EPB41L4A: variants seen among roughly 807,000 people sequenced by gnomAD.
EPB41L4A encodes the protein erythrocyte membrane protein band 4.1 like 4A.
EPB41L4A carries 100 observed loss-of-function variants against 108.6 expected under a neutral mutation model. The ratio of observed to expected loss-of-function variants is 0.92; its 90% confidence interval spans 0.78 to 1.09. The LOEUF is 1.09. Ranked by LOEUF, EPB41L4A falls within the 50% of genes least tolerant of loss-of-function variation. The pLI is 0.00. For missense variants in EPB41L4A, 1,030 were observed against 842.7 expected, an observed-to-expected ratio of 1.22 and a Z score of -2.75; for synonymous variants, 319 against 289.0, an observed-to-expected ratio of 1.10 and a Z score of -1.05.
chr5:112,229,395 T>C (rs1473315963), intron 12 of EPB41L4A, among the ~76,000 whole-genome samples: 2 of 151,976 alleles, frequency 1.3e-5, no homozygotes, highest in Non-Finnish European at 2.9e-5. Context: ...TCTTGTGGGG[T>C]ATTTTTATTT....
chr5:112,146,709 A>C (rs796499025), intron 12 of EPB41L4A, among the ~76,000 whole-genome samples: 3 of 152,300 alleles, frequency 2.0e-5, no homozygotes, highest in African/African-American at 7.2e-5. Flanking sequence ...CTAACCACAG[A>C]AGAAAGGTCT....
intron 17 of EPB41L4A, among the ~76,000 whole-genome samples, chr5:112,187,589 G>C (rs1055365005): frequency 1.3e-5 from 2 of 152,162 alleles, no homozygotes; most frequent in African/African-American, 2.4e-5. Flanking sequence ...TGATAACAAT[G>C]AAGAAAATGA....
intron 9 of EPB41L4A, chr5:112,249,753 CA>C (rs1172386524): frequency 4.6e-5 from 7 of 152,218 alleles, no homozygotes; most frequent in African/African-American, 1.4e-4. Flanking sequence ...CAATGCTCCC[CA>C]AAGAGCATTT....
chr5:112,280,183 T>TA, intron 3 of EPB41L4A, 89 bp downstream of exon 3: 1 of 1,118,636 alleles, frequency 8.9e-7, no homozygotes, highest in South Asian at 1.2e-5. Flanking sequence ...CTTTCTCCAG[T>TA]ACTAAAGCCC....
intron 1 of EPB41L4A, among the ~76,000 whole-genome samples, chr5:112,387,278 T>G (rs542742888): frequency 3.9e-5 from 6 of 152,272 alleles, no homozygotes; most frequent in Admixed American, 3.9e-4. Context: ...CAAACCACCA[T>G]TCCAGCTTCC....
chr5:112,245,199 A>T (rs771672353), intron 9 of EPB41L4A, among the ~76,000 whole-genome samples: 11 of 152,230 alleles, frequency 7.2e-5, no homozygotes, highest in Non-Finnish European at 1.3e-4. Context: ...GCAAAACACA[A>T]TATGAATGCT....
At chr5:112,373,318 TC>T (rs1759613354) in intron 1 of EPB41L4A, among the ~76,000 whole-genome samples, 1 of 152,170 alleles carries the variant, frequency 6.6e-6, no homozygotes, top group Non-Finnish European at 1.5e-5. Flanking sequence ...CAGTCCCCTG[TC>T]AACATGGTTC....
In EPB41L4A at chr5:112,262,517, C is replaced by T. The variant is rs569030813; in HGVS notation, c.619G>A (p.Gly207Ser). The T allele has an allele frequency of 6.2e-7, 1 of 1,613,998 alleles. No individual in the cohort carries two copies. Among genetic ancestry groups the T allele is most frequent in the African/African-American group, 1.3e-5 (1 of 75,004 alleles). ...ACATAGACGGGATGGAGGTCAACGCCATACATCTCCAGGGATTTGGCAGTC... is the reference window on the plus strand; with the variant it reads ...ACATAGACGGGATGGAGGTCAACGCTATACATCTCCAGGGATTTGGCAGTC... ...LRTAKSLEMY[G>S]VDLHPVYGEN... The change falls in exon 7 of 23, where the codon GGC becomes AGC. Residue 207 changes from glycine (G) to serine (S), a missense_variant. Coordinates refer to ENST00000261486, the MANE Select transcript of EPB41L4A (RefSeq NM_022140.5).
intron 9 of EPB41L4A, among the ~76,000 whole-genome samples, chr5:112,244,433 G>A (rs774046940): frequency 2.0e-5 from 3 of 152,140 alleles, no homozygotes; most frequent in Non-Finnish European, 4.4e-5. Context: ...GTGGGTTAAG[G>A]GGTGGAAAGT....
chr5:112,212,411 G>C (rs12523510), intron 12 of EPB41L4A, among the ~76,000 whole-genome samples: 97,817 of 151,502 alleles, frequency 0.65, 32,293 homozygotes, highest in East Asian at 0.98. Flanking sequence ...TCCTGCCTCA[G>C]ACTCCCAAGT....
At chr5:112,264,728 G>T in intron 6 of EPB41L4A, 168 bp downstream of exon 6, 1 of 602,126 alleles carries the variant, frequency 1.7e-6, no homozygotes. Context: ...AATTACTGAA[G>T]TTTTCGATGA....
chr5:112,314,504 CTAA>C (rs1396785456), intron 1 of EPB41L4A, among the ~76,000 whole-genome samples: 1 of 41,820 alleles, frequency 2.4e-5, no homozygotes, highest in Non-Finnish European at 4.0e-5. Context: ...CCCATCGCTA[CTAA>C]AAAAAAAAAA....
chr5:112,250,046 G>A (rs1580528658), intron 9 of EPB41L4A, among the ~76,000 whole-genome samples: 1 of 151,984 alleles, frequency 6.6e-6, no homozygotes, highest in Admixed American at 6.6e-5. Context: ...ATTTTGAAAC[G>A]TATGTAATAT....
intron 4 of EPB41L4A, among the ~76,000 whole-genome samples, chr5:112,268,469 C>G (rs1752024158): frequency 6.6e-6 from 1 of 152,114 alleles, no homozygotes; most frequent in Non-Finnish European, 1.5e-5. Flanking sequence ...TTTTACTACA[C>G]CCTCCTCCTT....
intron 1 of EPB41L4A, among the ~76,000 whole-genome samples, chr5:112,410,135 G>A (rs1482632950): frequency 6.6e-6 from 1 of 152,174 alleles, no homozygotes; most frequent in African/African-American, 2.4e-5. Context: ...AACAAAAGGA[G>A]GTGGGTGGGG....
chr5:112,262,531 G>A lies in EPB41L4A; in HGVS notation c.605C>T (p.Ser202Phe), dbSNP rs1230326070. 2 of 1,614,002 alleles carry A rather than the reference G, an allele frequency of 1.2e-6. No homozygotes were observed. Among genetic ancestry groups the A allele is most frequent in the Non-Finnish European group, 1.7e-6 (2 of 1,179,968 alleles). Residue 202 changes from serine to phenylalanine, a missense_variant, in exon 7 of 23, where the codon TCC becomes TTC. Ser to Phe is a radical substitution (Grantham distance 155). Coordinates refer to ENST00000261486, the MANE Select transcript of EPB41L4A (RefSeq NM_022140.5). ...AELNYLRTAK[S>F]LEMYGVDLHP... ...GAGGTCAACGCCATACATCTCCAGG[G>A]ATTTGGCAGTCCTCAAGTAATTCAG...
chr5:112,152,829 T>G (rs961758522), intron 12 of EPB41L4A, among the ~76,000 whole-genome samples: 3 of 151,976 alleles, frequency 2.0e-5, no homozygotes, highest in African/African-American at 7.3e-5. Context: ...GCAAAAAAAA[T>G]TACCAGATTC....
Position 112,163,216 on chromosome 5 carries a change from G to A in EPB41L4A, c.*1774C>T, listed in dbSNP as rs755814160. 4.6e-5 allele frequency: 7 copies of A among 152,230 alleles called. No individual in the cohort carries two copies. The highest frequency in any genetic ancestry group is 2.0e-4 in the Admixed American group (3 of 15,286). The allele number at this position is 152,230 out of a possible 1,614,324, so 9.4% of individuals were successfully genotyped here. A position where few individuals can be genotyped will look rare whatever the true frequency, so the allele number is the denominator to read the frequency against. ...TATAGTTGGATGACAGAGCCAACTA[G>A]ACGTGGTAATAGTGGAGGTGTCCAT... On this transcript the variant is annotated 3_prime_UTR_variant, in exon 23 of 23. Transcript: ENST00000261486.
At chr5:112,261,189 T>A (rs1359541414) in intron 7 of EPB41L4A, among the ~76,000 whole-genome samples, 1 of 152,210 alleles carries the variant, frequency 6.6e-6, no homozygotes, top group African/African-American at 2.4e-5. Flanking sequence ...TGGAATCTAA[T>A]ATATCAGGGA....
Sources: allele counts gnomAD v4.1 joint callset (sites outside exome capture counted in the v4.1 genomes callset), GRCh38; gene constraint gnomAD v4.1.1; transcripts MANE v1.5; gene names NCBI Gene and HGNC (gene_info 2026-07-23, HGNC 2026-07-21).